The following NBEAL1 variants were observed in gnomAD, a reference collection of about 807,000 sequenced individuals.
NBEAL1 encodes neurobeachin like 1.
NBEAL1 carries 273 observed loss-of-function variants against 351.3 expected under a neutral mutation model. That is an observed-to-expected ratio of 0.78 (90% CI 0.70 to 0.86). The LOEUF (loss-of-function observed/expected upper bound fraction) is 0.86, where lower values mean the gene tolerates loss of function less well. Among genes scored for constraint, NBEAL1 ranks in the 40% least tolerant of loss-of-function variants. NBEAL1 has a pLI of 0.00. For missense variants in NBEAL1, 2,961 were observed against 3,201.3 expected, an observed-to-expected ratio of 0.92 and a Z score of 1.81; for synonymous variants, 1,050 against 1,086.4, an observed-to-expected ratio of 0.97 and a Z score of 0.66.
chr2:203,092,900 C>T (rs2062094048), intron 10 of NBEAL1, among the ~76,000 whole-genome samples: 1 of 152,024 alleles, frequency 6.6e-6, no homozygotes, highest in Admixed American at 6.6e-5. Flanking sequence ...GTTATAAAGA[C>T]AAATTCAGTG....
intron 10 of NBEAL1, among the ~76,000 whole-genome samples, chr2:203,093,181 G>A (rs745346206): frequency 2.9e-5 from 4 of 138,890 alleles, no homozygotes; most frequent in East Asian, 2.3e-4. Context: ...GCAGTGAGCC[G>A]AGATCACACC....
chr2:203,141,459 C>T (rs1023538865), intron 31 of NBEAL1, among the ~76,000 whole-genome samples: 2 of 140,176 alleles, frequency 1.4e-5, no homozygotes, highest in Non-Finnish European at 3.0e-5. Flanking sequence ...CGGCTCACTG[C>T]AATCTCTCCA....
At position 203,219,740 on chromosome 2, in the gene NBEAL1, G is replaced by C. The variant is rs2065935326; in HGVS notation, c.*2386G>C. 2 of 152,192 alleles carry C rather than the reference G, an allele frequency of 1.3e-5. No individual in the cohort carries two copies. The highest frequency in any genetic ancestry group is 4.8e-5 in the African/African-American group (2 of 41,424). The allele number at this position is 152,192 out of a possible 1,614,324, so 9.4% of individuals were successfully genotyped here. A position where few individuals can be genotyped will look rare whatever the true frequency, so the allele number is the denominator to read the frequency against. ...ATGGTGGCACATGCCTATAGTCCCA[G>C]CTACTTGAGAGGCTGAGCAGCGCAG... is the stretch of plus-strand genomic sequence containing the variant. On this transcript the variant is annotated 3_prime_UTR_variant, in exon 56 of 56. Coordinates refer to ENST00000683969, the MANE Select transcript of NBEAL1 (RefSeq NM_001378026.1).
At chr2:203,028,008 C>T (rs574071280) in intron 2 of NBEAL1, among the ~76,000 whole-genome samples, 5 of 152,058 alleles carry the variant, frequency 3.3e-5, no homozygotes, top group South Asian at 2.1e-4. Context: ...CTCAGCCTCC[C>T]GAGTAGGTGG....
At chr2:203,020,211 C>T (rs1403646262) in intron 2 of NBEAL1, among the ~76,000 whole-genome samples, 1 of 152,146 alleles carries the variant, frequency 6.6e-6, no homozygotes, top group South Asian at 2.1e-4. Flanking sequence ...CTTTCTCCTT[C>T]TAGGAATAGG....
intron 31 of NBEAL1, among the ~76,000 whole-genome samples, 162 bp from the exon 32 acceptor site, chr2:203,144,438 A>T (rs2063459145): frequency 6.6e-6 from 1 of 152,184 alleles, no homozygotes; most frequent in South Asian, 2.1e-4. Context: ...GTGAAACTGT[A>T]GCAGCTAACC....
chr2:203,204,142 C>T (rs751658740), intron 51 of NBEAL1, among the ~76,000 whole-genome samples: 3 of 150,590 alleles, frequency 2.0e-5, no homozygotes, highest in African/African-American at 2.4e-5. Flanking sequence ...TTCTCCAGGA[C>T]GGTCTCGAAC....
At chr2:203,206,735 G>A (rs558574820) in intron 51 of NBEAL1, among the ~76,000 whole-genome samples, 6 of 152,016 alleles carry the variant, frequency 3.9e-5, no homozygotes, top group Non-Finnish European at 7.4e-5. Context: ...ATGGTGCCCA[G>A]GCTGGAGTGC....
chr2:203,126,270 G>C (rs1337665471), intron 21 of NBEAL1, among the ~76,000 whole-genome samples, 177 bp downstream of exon 21: 1 of 152,092 alleles, frequency 6.6e-6, no homozygotes, highest in African/African-American at 2.4e-5. Context: ...TCTTATACAA[G>C]AAATACTTAT....
At chr2:203,112,309 A>C (rs997810438) in intron 16 of NBEAL1, among the ~76,000 whole-genome samples, 1 of 152,238 alleles carries the variant, frequency 6.6e-6, no homozygotes, top group African/African-American at 2.4e-5. Flanking sequence ...GAAAACATTT[A>C]AGGAAGAAAC....
chr2:203,033,771 A>G (rs576512176), intron 2 of NBEAL1, among the ~76,000 whole-genome samples: 1 of 152,314 alleles, frequency 6.6e-6, no homozygotes, highest in African/African-American at 2.4e-5. Context: ...TTATAATCCT[A>G]TTATGATTAT....
At position 203,049,986 on chromosome 2, in the gene NBEAL1, GA is replaced by G. The variant is rs1465608848; in HGVS notation, c.305+17del. On this transcript the variant is annotated intron_variant, in intron 4 of 55. Transcript: ENST00000683969. ...CATTATTCTTTGCAGGTATCTAGTA[GA>G]AAAAATAAGCTAGTTTTCACTCATA... 1.9e-6 allele frequency: 3 copies of G among 1,548,788 alleles called. No homozygotes were observed. In the Admixed American group the frequency reaches 5.9e-5, roughly 31 times the overall value.
rs367923535 is a variant in NBEAL1 at position 203,127,619 on chromosome 2, G to T, written c.3249-162G>T. On this transcript the variant is annotated intron_variant, in intron 23 of 55. Transcript: ENST00000683969. ...TGCCTGTAATCCCAGCTACTCAGGA[G>T]GCTGAGGCAGGAGAATCGCTTGAAC... 8.5e-5 allele frequency among the ~76,000 whole-genome samples: 13 copies of T among 152,284 alleles called. 1 individual carries two copies. In the East Asian group the frequency reaches 1.7e-3, roughly 20 times the overall value.
intron 45 of NBEAL1, 113 bp from the exon 46 acceptor site, chr2:203,190,178 AC>A: frequency 1.2e-5 from 1 of 80,474 alleles, no homozygotes; most frequent in Non-Finnish European, 3.9e-5. Context: ...ACACACACAC[AC>A]ACACACACAC....
In NBEAL1 at chr2:203,217,288, A is replaced by T; in HGVS notation, c.8106A>T (p.Gly2702=). 1.9e-6 allele frequency: 3 copies of T among 1,599,834 alleles called. No individual in the cohort carries two copies. Among genetic ancestry groups the T allele is most frequent in the Non-Finnish European group, 2.6e-6 (3 of 1,172,758 alleles). ...GTCAGCTTTCTCGAAAATTTTGGGG[A>T]TCGAGCAAGCGGCTCAGCCAGATTT... ...RSGQLSRKFW[G]SSKRLSQISA... The change falls in exon 56 of 56, where the codon GGA becomes GGT. Residue 2702 remains glycine (G), a synonymous_variant. Transcript: ENST00000683969.
At position 203,057,348 on chromosome 2, in the gene NBEAL1, A is replaced by G; in HGVS notation, c.410A>G (p.Lys137Arg). 1 of 1,549,784 alleles carries G rather than the reference A, an allele frequency of 6.5e-7. No homozygotes were observed. Among genetic ancestry groups the G allele is most frequent in the Non-Finnish European group, 8.7e-7 (1 of 1,145,676 alleles). Reference sequence around the variant, plus strand: ...CAGTTAAAAAGCAAAAAAAAAGAGAAGGAAATGGCAGATCAGACATGTATT... The same window carrying G: ...CAGTTAAAAAGCAAAAAAAAAGAGAGGGAAATGGCAGATCAGACATGTATT... ...IQQLKSKKKE[K>R]EMADQTCIEE... The change falls in exon 6 of 56, where the codon AAG (lysine) becomes AGG (arginine). Residue 137 changes from lysine (K) to arginine (R), a missense_variant. Lys to Arg is a conservative substitution (Grantham distance 26). Transcript: ENST00000683969.
At chr2:203,041,420 C>T (rs748015378) in intron 2 of NBEAL1, among the ~76,000 whole-genome samples, 2 of 152,120 alleles carry the variant, frequency 1.3e-5, no homozygotes, top group Non-Finnish European at 2.9e-5. Context: ...AGAAAACAGC[C>T]AGTGCAAAGT....
intron 8 of NBEAL1, among the ~76,000 whole-genome samples, chr2:203,081,090 A>G (rs1559352054): frequency 6.6e-6 from 1 of 152,228 alleles, no homozygotes; most frequent in Non-Finnish European, 1.5e-5. Context: ...AGGCATAGCT[A>G]TAGTGGGATT....
intron 35 of NBEAL1, among the ~76,000 whole-genome samples, chr2:203,152,904 G>A (rs1458829806): frequency 6.6e-6 from 1 of 151,816 alleles, no homozygotes; most frequent in Non-Finnish European, 1.5e-5. Context: ...CGGGCATGGT[G>A]GCGGGCACCT....
Sources: gnomAD v4.1 joint callset for allele counts (sites outside exome capture counted in the v4.1 genomes callset) on GRCh38, gnomAD v4.1.1 for gene constraint, MANE v1.5 for transcripts, NCBI Gene and HGNC (gene_info 2026-07-23, HGNC 2026-07-21) for gene names.